FAM168A: variants seen among roughly 807,000 people sequenced by gnomAD.
FAM168A encodes the protein family with sequence similarity 168 member A.
FAM168A carries 3 observed loss-of-function variants against 28.5 expected under a neutral mutation model. The ratio of observed to expected loss-of-function variants is 0.11; its 90% CI spans 0.05 to 0.27. FAM168A has a LOEUF of 0.27. Among genes scored for constraint, FAM168A ranks in the 10% least tolerant of loss-of-function variants. The pLI is 1.00. For missense variants in FAM168A, 222 were observed against 311.5 expected (o/e 0.71, Z 2.16); for synonymous variants, 122 against 124.2 (o/e 0.98, Z 0.12).
In FAM168A at chr11:73,491,229, G is replaced by A. The variant is rs75330169; in HGVS notation, c.-18-22737C>T. Among the ~76,000 whole-genome samples the A allele has an allele frequency of 4.1e-4, 63 of 152,282 alleles. 1 individual carries two copies. Among genetic ancestry groups the A allele is most frequent in the African/African-American group, 1.4e-3 (60 of 41,566 alleles). ...GAGATGAGAAAAGAGCCCATGGAGA[G>A]GGGAAGACCACAAACAGAAAGGAGA... On this transcript the variant is annotated intron_variant, in intron 1 of 7. Transcript: ENST00000356467.
intron 1 of FAM168A, among the ~76,000 whole-genome samples, chr11:73,537,485 C>G (rs1376433055): frequency 1.3e-5 from 2 of 152,092 alleles, no homozygotes; most frequent in African/African-American, 4.8e-5. Context: ...CGCTTGAACC[C>G]GGGAGGCAGA....
intron 1 of FAM168A, among the ~76,000 whole-genome samples, chr11:73,596,008 T>C (rs1340954186): frequency 6.6e-6 from 1 of 152,202 alleles, no homozygotes; most frequent in African/African-American, 2.4e-5. Flanking sequence ...CCAAGACTCA[T>C]CTCAGGATTA....
chr11:73,568,724 G>A (rs573139847), intron 1 of FAM168A, among the ~76,000 whole-genome samples: 6 of 152,096 alleles, frequency 3.9e-5, no homozygotes, highest in Non-Finnish European at 5.9e-5. Flanking sequence ...GTGAAACCCC[G>A]TATCTACTAA....
At chr11:73,549,652 A>G (rs1488314920) in intron 1 of FAM168A, among the ~76,000 whole-genome samples, 1 of 152,178 alleles carries the variant, frequency 6.6e-6, no homozygotes, top group Non-Finnish European at 1.5e-5. Context: ...AACCTCCAGT[A>G]AGTGTTTCTT....
intron 2 of FAM168A, among the ~76,000 whole-genome samples, chr11:73,453,792 T>A (rs1867476331): frequency 6.6e-6 from 1 of 152,212 alleles, no homozygotes; most frequent in African/African-American, 2.4e-5. Context: ...AATGAGAATC[T>A]ATGCAGCACA....
chr11:73,562,425 C>T (rs1565299537), intron 1 of FAM168A, among the ~76,000 whole-genome samples: 1 of 152,084 alleles, frequency 6.6e-6, no homozygotes, highest in Non-Finnish European at 1.5e-5. Context: ...AGATCTCTTG[C>T]TTCAAGGAGA....
Position 73,519,234 on chromosome 11 carries a change from G to C in FAM168A, c.-18-50742C>G, listed in dbSNP as rs1943345692. ...GGGTCTGATCTTATGAATACCATTA[G>C]AATGCAGCTTTTGCCTGGTTTTCAT... On this transcript the variant is annotated intron_variant, in intron 1 of 7. Coordinates refer to ENST00000356467, the MANE Select transcript of FAM168A (RefSeq NM_015159.3). 2.6e-5 allele frequency among the ~76,000 whole-genome samples: 4 copies of C among 151,976 alleles called. No individual in the cohort carries two copies. The South Asian group carries it at 8.3e-4, about 32-fold the overall frequency.
chr11:73,591,578 T>C (rs953809125), intron 1 of FAM168A, among the ~76,000 whole-genome samples: 4 of 152,190 alleles, frequency 2.6e-5, no homozygotes, highest in Non-Finnish European at 4.4e-5. Flanking sequence ...GGTATGATCA[T>C]AGCTCACTGT....
intron 3 of FAM168A, among the ~76,000 whole-genome samples, chr11:73,429,378 T>C (rs1276683419): frequency 6.6e-6 from 1 of 152,210 alleles, no homozygotes; most frequent in Non-Finnish European, 1.5e-5. Context: ...CTGGACGATC[T>C]CTAAGGTCTT....
Position 73,514,281 on chromosome 11 carries a change from G to C in FAM168A, c.-18-45789C>G, listed in dbSNP as rs564104763. On this transcript the variant is annotated intron_variant, in intron 1 of 7. Transcript: ENST00000356467. The stretch of plus-strand genomic sequence containing the variant: ...AGGTAGTGACAACACTGTCCTTTCA[G>C]AGTTGTTATGATAGTTAAATGAAAT... Among the ~76,000 whole-genome samples, 12 of 152,244 alleles carry C rather than the reference G, an allele frequency of 7.9e-5. No individual in the cohort carries two copies. The East Asian group carries it at 1.4e-3, about 17-fold the overall frequency.
At chr11:73,567,988 C>G (rs1339660320) in intron 1 of FAM168A, among the ~76,000 whole-genome samples, 1 of 152,176 alleles carries the variant, frequency 6.6e-6, no homozygotes, top group Admixed American at 6.5e-5. Context: ...GGGTCTCTTT[C>G]AGCAGCTACC....
intron 1 of FAM168A, among the ~76,000 whole-genome samples, chr11:73,472,583 T>G (rs998974902): frequency 1.7e-4 from 26 of 152,312 alleles, no homozygotes; most frequent in African/African-American, 6.0e-4. Flanking sequence ...AGAGGTAGAT[T>G]GTTGTGCTGA....
In FAM168A at chr11:73,404,579, A is replaced by G. The variant is rs958792247; in HGVS notation, c.*2184T>C. The G allele has an allele frequency of 2.6e-5, 4 of 152,238 alleles. No homozygotes were observed. The highest frequency in any genetic ancestry group is 5.9e-5 in the Non-Finnish European group (4 of 68,034). The allele number at this position is 152,238 out of a possible 1,614,324, so 9.4% of individuals were successfully genotyped here. On this transcript the variant is annotated 3_prime_UTR_variant, in exon 8 of 8. Coordinates refer to ENST00000356467, the MANE Select transcript of FAM168A (RefSeq NM_015159.3). ...GTGAATTAACACTGGAAAACTTTCT[A>G]TTGTTTTAAAGTGAAACCTCATCAG...
chr11:73,529,853 C>A (rs1368264710), intron 1 of FAM168A, among the ~76,000 whole-genome samples: 1 of 141,782 alleles, frequency 7.1e-6, no homozygotes, highest in Non-Finnish European at 1.5e-5. Context: ...TGAGAGCAAT[C>A]GCAGCTCACT....
At chr11:73,576,065 T>G (rs1324285469) in intron 1 of FAM168A, among the ~76,000 whole-genome samples, 1 of 152,190 alleles carries the variant, frequency 6.6e-6, no homozygotes, top group Admixed American at 6.5e-5. Flanking sequence ...ATGAATTAAA[T>G]TTCAATTTTC....
intron 3 of FAM168A, among the ~76,000 whole-genome samples, chr11:73,421,769 A>G (rs917028437): frequency 6.6e-6 from 1 of 152,236 alleles, no homozygotes; most frequent in Non-Finnish European, 1.5e-5. Flanking sequence ...TAGCTCTGAA[A>G]AGTCAGATAA....
At chr11:73,580,521 G>A (rs545815901) in intron 1 of FAM168A, 130 of 599,940 alleles carry the variant, frequency 2.2e-4, no homozygotes, top group African/African-American at 6.8e-4. Flanking sequence ...GATGCCAAGC[G>A]AAGTGTGTGC....
At chr11:73,453,384 G>A (rs896754726) in intron 2 of FAM168A, among the ~76,000 whole-genome samples, 22 of 152,184 alleles carry the variant, frequency 1.4e-4, no homozygotes, top group Admixed American at 1.2e-3. Context: ...ACTCTGGGAA[G>A]CTGGCCAATT....
chr11:73,487,545 T>A (rs891959535), intron 1 of FAM168A, among the ~76,000 whole-genome samples: 3 of 152,158 alleles, frequency 2.0e-5, no homozygotes, highest in African/African-American at 7.2e-5. Flanking sequence ...TCATTCTCTC[T>A]AATATATTCT....
Sources: allele counts gnomAD v4.1 joint callset (sites outside exome capture counted in the v4.1 genomes callset), GRCh38; gene constraint gnomAD v4.1.1; transcripts MANE v1.5; gene names NCBI Gene and HGNC (gene_info 2026-07-23, HGNC 2026-07-21).